Variants in ANKMY2 observed in about 807,000 individuals in gnomAD.
ANKMY2 encodes the protein ankyrin repeat and MYND domain-containing protein 2.
ANKMY2 carries 36 observed loss-of-function variants against 50.4 expected under a neutral mutation model. The ratio of observed to expected loss-of-function variants is 0.71; its 90% CI spans 0.55 to 0.94. The LOEUF (loss-of-function observed/expected upper bound fraction) is 0.94, where lower values mean the gene tolerates loss of function less well. Ranked by LOEUF, ANKMY2 falls within the 40% of genes least tolerant of loss-of-function variation. ANKMY2 has a pLI of 0.00. For synonymous variants in ANKMY2, 187 were observed against 178.8 expected (o/e 1.05, Z -0.36); for missense variants, 565 against 524.0 (o/e 1.08, Z -0.76).
Position 16,645,552 on chromosome 7 carries a change from C to G in ANKMY2, c.22G>C (p.Glu8Gln). The G allele has an allele frequency of 6.2e-7, 1 of 1,612,048 alleles. No homozygotes were observed. Among genetic ancestry groups the G allele is most frequent in the South Asian group, 1.1e-5 (1 of 90,792 alleles). The change falls in exon 1 of 10, where the codon GAG becomes CAG. Residue 8 changes from glutamate to glutamine, a missense_variant. Coordinates refer to ENST00000306999, the MANE Select transcript of ANKMY2 (RefSeq NM_020319.3). ...AGCTCCTTCTCCTCCTGGGTCAGCT[C>G]GCCTTTCTTTATGTGAACCATTGCT... MVHIKKG[E>Q]LTQEEKELLE...
At chr7:16,642,856 T>C (rs1781763814) in intron 1 of ANKMY2, among the ~76,000 whole-genome samples, 1 of 152,188 alleles carries the variant, frequency 6.6e-6, no homozygotes, top group African/African-American at 2.4e-5. Flanking sequence ...CCTCTCAAAG[T>C]GAATATTGTA....
At chr7:16,611,815 G>A (rs996720704) in intron 5 of ANKMY2, among the ~76,000 whole-genome samples, 6 of 152,092 alleles carry the variant, frequency 3.9e-5, no homozygotes, top group African/African-American at 1.4e-4. Flanking sequence ...ATTGAGTGGT[G>A]TCTTCACTTT....
intron 2 of ANKMY2, among the ~76,000 whole-genome samples, chr7:16,635,380 G>A (rs1249999197): frequency 6.6e-6 from 1 of 152,090 alleles, no homozygotes; most frequent in Non-Finnish European, 1.5e-5. Flanking sequence ...AGATTACAAA[G>A]GGGTATGAGG....
chr7:16,643,689 A>G (rs892604048), intron 1 of ANKMY2, among the ~76,000 whole-genome samples: 1 of 151,850 alleles, frequency 6.6e-6, no homozygotes, highest in Non-Finnish European at 1.5e-5. Context: ...CAAAGACTCA[A>G]TTTATAAAAC....
chr7:16,637,302 T>C (rs776998345), intron 1 of ANKMY2, among the ~76,000 whole-genome samples: 10 of 152,374 alleles, frequency 6.6e-5, no homozygotes, highest in Middle Eastern at 3.4e-3. Flanking sequence ...TTATTTCCTC[T>C]CTTTAAATTT....
chr7:16,645,712 T>G lies in ANKMY2; in HGVS notation c.-139A>C, dbSNP rs1041967831. ...GTAGCCAACCGCGGAAACGCTTCGCTTCTCTCCTCCCTCCCGCGGGCTGGC... is the reference window on the plus strand; with the variant it reads ...GTAGCCAACCGCGGAAACGCTTCGCGTCTCTCCTCCCTCCCGCGGGCTGGC... On this transcript the variant is annotated 5_prime_UTR_variant, in exon 1 of 10. Coordinates refer to ENST00000306999, the MANE Select transcript of ANKMY2 (RefSeq NM_020319.3). The G allele has an allele frequency of 1.1e-6, 1 of 926,308 alleles. No homozygotes were observed. Among genetic ancestry groups the G allele is most frequent in the Non-Finnish European group, 1.5e-6 (1 of 647,756 alleles). The allele number at this position is 926,308 out of a possible 1,614,324, so 57.4% of individuals were successfully genotyped here. A position where few individuals can be genotyped will look rare whatever the true frequency, so the allele number is the denominator to read the frequency against.
chr7:16,645,466 G>T (rs1276650288), intron 1 of ANKMY2, 41 bp downstream of exon 1: 1 of 1,572,986 alleles, frequency 6.4e-7, no homozygotes, highest in Non-Finnish European at 8.6e-7. Flanking sequence ...ACGCCCCCCG[G>T]CCAGGCTGGC....
intron 8 of ANKMY2, chr7:16,603,492 A>T: frequency 2.7e-6 from 1 of 366,462 alleles, no homozygotes; most frequent in South Asian, 2.2e-5. Context: ...AAATGGCCTT[A>T]TATTTTTGCA....
chr7:16,623,757 C>T lies in ANKMY2; in HGVS notation c.370+1226G>A, dbSNP rs983488041. On this transcript the variant is annotated intron_variant, in intron 4 of 9. Transcript: ENST00000306999. ...TGGGGCAACTTGGGGCCTGTACACA[C>T]GGGAGTTAAAATATTTCTCCGAAGC... Among the ~76,000 whole-genome samples, 71 of 152,194 alleles carry T rather than the reference C, an allele frequency of 4.7e-4. 1 individual carries two copies. The highest frequency in any genetic ancestry group is 9.4e-4 in the Non-Finnish European group (64 of 68,004).
intron 3 of ANKMY2, among the ~76,000 whole-genome samples, chr7:16,625,979 C>CTT (rs536879249): frequency 7.2e-4 from 74 of 103,108 alleles, no homozygotes; most frequent in African/African-American, 1.7e-3. Context: ...TATAAGAAGT[C>CTT]TTTTTTTTTT....
In ANKMY2 at chr7:16,645,458, G is replaced by A. The variant is rs1454417847; in HGVS notation, c.67+49C>T. On this transcript the variant is annotated intron_variant, in intron 1 of 9. Transcript: ENST00000306999. ...AGGAGCGCCCCCCGGGCTCCGCCACGCCCCCCGGCCAGGCTGGCCGCGGCC... is the reference window on the plus strand; with the variant it reads ...AGGAGCGCCCCCCGGGCTCCGCCACACCCCCCGGCCAGGCTGGCCGCGGCC... The A allele has an allele frequency of 2.6e-5, 41 of 1,547,380 alleles. 1 individual carries two copies. In the South Asian group the frequency reaches 4.1e-4, roughly 16 times the overall value.
rs932826642 is a variant in ANKMY2 at position 16,600,616 on chromosome 7, G to T, written c.*145C>A. ...GGAAATTAGGGCATGGTCAACAGGG[G>T]TTTGCTTGAAAACCTGTATTCTATG... On this transcript the variant is annotated 3_prime_UTR_variant, in exon 10 of 10. Coordinates refer to ENST00000306999, the MANE Select transcript of ANKMY2 (RefSeq NM_020319.3). 4 of 564,904 alleles carry T rather than the reference G, an allele frequency of 7.1e-6. No individual in the cohort carries two copies. Among genetic ancestry groups the T allele is most frequent in the African/African-American group, 5.8e-5 (3 of 51,986 alleles). 35.0% of individuals were successfully genotyped at this position (564,904 alleles called of 1,614,324 possible). A position where few individuals can be genotyped will look rare whatever the true frequency, so the allele number is the denominator to read the frequency against.
At chr7:16,621,193 G>T (rs1781430003) in intron 4 of ANKMY2, among the ~76,000 whole-genome samples, 1 of 152,134 alleles carries the variant, frequency 6.6e-6, no homozygotes, top group South Asian at 2.1e-4. Context: ...GAGTGTGGAG[G>T]TGGTAGTGCA....
At chr7:16,616,544 T>C (rs1389712155) in intron 4 of ANKMY2, among the ~76,000 whole-genome samples, 2 of 148,276 alleles carry the variant, frequency 1.3e-5, no homozygotes, top group Non-Finnish European at 3.0e-5. Flanking sequence ...CTAGCGAAGC[T>C]GCTGGTTTGC....
At chr7:16,617,332 A>G (rs1336042831) in intron 4 of ANKMY2, among the ~76,000 whole-genome samples, 1 of 152,122 alleles carries the variant, frequency 6.6e-6, no homozygotes, top group African/African-American at 2.4e-5. Context: ...TAATTAATTA[A>G]TGTCTTAATT....
chr7:16,635,662 C>G (rs2222533), intron 2 of ANKMY2, among the ~76,000 whole-genome samples: 4,843 of 152,186 alleles, frequency 0.032, 268 homozygotes, highest in African/African-American at 0.11. Context: ...ATTTCCAAAA[C>G]TTATTTTAGA....
rs1450096333 is a variant in ANKMY2 at position 16,599,891 on chromosome 7, C to G, written c.*870G>C. The G allele has an allele frequency of 6.6e-6, 1 of 152,170 alleles. No homozygotes were observed. The highest frequency in any genetic ancestry group is 1.9e-4 in the East Asian group (1 of 5,196). 9.4% of individuals were successfully genotyped at this position (152,170 alleles called of 1,614,324 possible). On this transcript the variant is annotated 3_prime_UTR_variant, in exon 10 of 10. Transcript: ENST00000306999. ...GTTTAAATACCACATATGCTAAAAACCGACGCCAGGACATTCTCTAAATGA... is the reference window on the plus strand; with the variant it reads ...GTTTAAATACCACATATGCTAAAAAGCGACGCCAGGACATTCTCTAAATGA...
intron 2 of ANKMY2, 122 bp from the exon 3 acceptor site, chr7:16,627,300 T>C (rs906675831): frequency 8.9e-6 from 5 of 562,814 alleles, no homozygotes; most frequent in Middle Eastern, 5.0e-4. Flanking sequence ...CATTATAATA[T>C]GTATTTTTAT....
At chr7:16,629,996 A>G (rs1185796436) in intron 2 of ANKMY2, among the ~76,000 whole-genome samples, 1 of 152,162 alleles carries the variant, frequency 6.6e-6, no homozygotes, top group Non-Finnish European at 1.5e-5. Flanking sequence ...AAATATCCAG[A>G]AAAGGAAATA....
Sources: allele counts gnomAD v4.1 joint callset (sites outside exome capture counted in the v4.1 genomes callset), GRCh38; gene constraint gnomAD v4.1.1; transcripts MANE v1.5; gene names NCBI Gene and HGNC (gene_info 2026-07-23, HGNC 2026-07-21).